Variants in LRP1B observed in about 807,000 individuals in gnomAD.
LRP1B encodes the protein low-density lipoprotein receptor-related protein 1B.
Under a neutral mutation model 556.6 loss-of-function variants are expected in LRP1B, and 217 were observed. That is an observed-to-expected ratio of 0.39 (90% CI 0.35 to 0.44). The LOEUF is 0.44. LRP1B is among the 20% of genes least tolerant of loss of function. LRP1B has a pLI of 1.00. For missense variants in LRP1B, 5,053 were observed against 5,620.8 expected, an observed-to-expected ratio of 0.90 and a Z score of 3.23; for synonymous variants, 2,047 against 1,865.8, an observed-to-expected ratio of 1.10 and a Z score of -2.50.
In LRP1B at chr2:140,867,720, G is replaced by A. The variant is rs1433705271; in HGVS notation, c.4449C>T (p.Tyr1483=). The A allele has an allele frequency of 1.9e-6, 3 of 1,613,286 alleles. No homozygotes were observed. The South Asian group carries it at 3.3e-5, about 18-fold the overall frequency. The change falls in exon 27 of 91, where the codon TAC becomes TAT. Residue 1483 remains tyrosine, a synonymous_variant. Transcript: ENST00000389484. ...FAVSLYGSEV[Y]WTDWRTNTLS... ...ATGTGTTGGTCCTCCAGTCTGTCCA[G>A]TAGACTTCACTCCCATATAGAGACA... is the stretch of plus-strand genomic sequence containing the variant.
chr2:140,472,023 T>C (rs372432032), intron 60 of LRP1B, among the ~76,000 whole-genome samples: 1 of 152,200 alleles, frequency 6.6e-6, no homozygotes, highest in Non-Finnish European at 1.5e-5. Context: ...TTTCCCACTT[T>C]AGCAGTCTTC....
intron 66 of LRP1B, among the ~76,000 whole-genome samples, chr2:140,428,587 C>A (rs996028650): frequency 6.6e-6 from 1 of 152,180 alleles, no homozygotes; most frequent in South Asian, 2.1e-4. Flanking sequence ...CTTCCCAGAT[C>A]TTCTCGGCTT....
chr2:141,189,690 T>C (rs1681415826), intron 6 of LRP1B, among the ~76,000 whole-genome samples: 1 of 152,020 alleles, frequency 6.6e-6, no homozygotes, highest in Admixed American at 6.6e-5. Context: ...AAGTAACCAC[T>C]AGCCAAATTT....
intron 7 of LRP1B, among the ~76,000 whole-genome samples, chr2:141,126,961 T>A (rs1358023819): frequency 6.6e-6 from 1 of 152,122 alleles, no homozygotes; most frequent in Non-Finnish European, 1.5e-5. Flanking sequence ...GCTGCACCCA[T>A]CAACCTGCCA....
chr2:141,318,890 A>G (rs1270406731), intron 3 of LRP1B, among the ~76,000 whole-genome samples: 1 of 152,140 alleles, frequency 6.6e-6, no homozygotes, highest in African/African-American at 2.4e-5. Context: ...TCACTCATTT[A>G]AAAACTAGAT....
intron 7 of LRP1B, among the ~76,000 whole-genome samples, chr2:141,102,455 A>G (rs1700486434): frequency 1.3e-5 from 2 of 152,054 alleles, no homozygotes; most frequent in Non-Finnish European, 2.9e-5. Context: ...TGCAGCGACA[A>G]ACATAACCGT....
chr2:140,393,625 T>C (rs1684122951), intron 66 of LRP1B, among the ~76,000 whole-genome samples: 1 of 152,116 alleles, frequency 6.6e-6, no homozygotes, highest in South Asian at 2.1e-4. Flanking sequence ...TTACAAATAG[T>C]TGGGTAACAG....
chr2:141,220,082 G>T (rs1343855899), intron 6 of LRP1B, among the ~76,000 whole-genome samples: 1 of 152,156 alleles, frequency 6.6e-6, no homozygotes. Flanking sequence ...GGGCCAAGAT[G>T]AATGACCTGA....
At chr2:140,335,375 A>G (rs747149231) in intron 78 of LRP1B, among the ~76,000 whole-genome samples, 9 of 152,002 alleles carry the variant, frequency 5.9e-5, no homozygotes, top group Non-Finnish European at 1.2e-4. Context: ...GCACAGACAC[A>G]CATACAGACA....
chr2:141,394,696 T>C (rs1690176862), intron 3 of LRP1B, among the ~76,000 whole-genome samples: 1 of 152,134 alleles, frequency 6.6e-6, no homozygotes, highest in African/African-American at 2.4e-5. Context: ...GTATATTCTT[T>C]TTTAGTTGAC....
chr2:141,690,242 A>G (rs73963528), intron 2 of LRP1B, among the ~76,000 whole-genome samples: 3,078 of 150,950 alleles, frequency 0.02, 101 homozygotes, highest in African/African-American at 0.07. Flanking sequence ...GAATTTTATT[A>G]TGCTTTACAA....
chr2:140,554,948 C>A (rs938293016), intron 43 of LRP1B, among the ~76,000 whole-genome samples: 4 of 150,540 alleles, frequency 2.7e-5, no homozygotes, highest in African/African-American at 2.4e-5. Context: ...AAAATAAAAT[C>A]TTTTCTTTGT....
At chr2:141,473,680 T>G (rs1682565331) in intron 3 of LRP1B, among the ~76,000 whole-genome samples, 1 of 152,164 alleles carries the variant, frequency 6.6e-6, no homozygotes, top group South Asian at 2.1e-4. Context: ...TAGGTCTTCC[T>G]GGGTAATTCC....
rs181904111 is a variant in LRP1B at position 140,465,962 on chromosome 2, C to A, written c.9626-8311G>T. 9.9e-4 allele frequency among the ~76,000 whole-genome samples: 151 copies of A among 151,818 alleles called. 1 individual carries two copies. The highest frequency in any genetic ancestry group is 1.6e-3 in the Non-Finnish European group (111 of 67,936). Reference sequence around the variant, plus strand: ...CATCAACACCATTGGTATAAAATACCCTGTGAACTCTACTGTTTGTAATGG... The same window carrying A: ...CATCAACACCATTGGTATAAAATACACTGTGAACTCTACTGTTTGTAATGG... On this transcript the variant is annotated intron_variant, in intron 60 of 90. Coordinates refer to ENST00000389484, the MANE Select transcript of LRP1B (RefSeq NM_018557.3).
At chr2:141,989,349 C>G (rs1339413768) in intron 1 of LRP1B, among the ~76,000 whole-genome samples, 2 of 151,320 alleles carry the variant, frequency 1.3e-5, no homozygotes, top group Non-Finnish European at 2.9e-5. Context: ...AGTCATAATT[C>G]AATATCAGAG....
intron 43 of LRP1B, among the ~76,000 whole-genome samples, chr2:140,589,288 A>G (rs1682120094): frequency 6.6e-6 from 1 of 152,210 alleles, no homozygotes; most frequent in South Asian, 2.1e-4. Flanking sequence ...TACAAACCAC[A>G]TAGCCAACAA....
intron 2 of LRP1B, among the ~76,000 whole-genome samples, chr2:141,726,926 A>G (rs1327705941): frequency 1.3e-5 from 2 of 152,124 alleles, no homozygotes; most frequent in East Asian, 3.9e-4. Flanking sequence ...TAAAACTAGC[A>G]TGTATTCTAA....
rs1175206836 is a variant in LRP1B at position 140,251,281 on chromosome 2, CAT to C, written c.13248-4121_13248-4120del. Among the ~76,000 whole-genome samples, 5 of 151,776 alleles carry C rather than the reference CAT, an allele frequency of 3.3e-5. No homozygotes were observed. The East Asian group carries it at 5.8e-4, about 18-fold the overall frequency. On this transcript the variant is annotated intron_variant, in intron 86 of 90. Coordinates refer to ENST00000389484, the MANE Select transcript of LRP1B (RefSeq NM_018557.3). ...TACATTTAGTAGCATAACTGTAAGACATATAAACCGTCTAAAATAATAACTCT... is the reference window on the plus strand; with the variant it reads ...TACATTTAGTAGCATAACTGTAAGACATAAACCGTCTAAAATAATAACTCT...
chr2:141,692,315 TTATCTA>T (rs899991947), intron 2 of LRP1B, among the ~76,000 whole-genome samples: 2 of 152,008 alleles, frequency 1.3e-5, no homozygotes, highest in Non-Finnish European at 2.9e-5. Flanking sequence ...CATCTCTTAC[TTATCTA>T]TAAGTTTTAC....
Sources: allele counts gnomAD v4.1 joint callset (sites outside exome capture counted in the v4.1 genomes callset), GRCh38; gene constraint gnomAD v4.1.1; transcripts MANE v1.5; gene names NCBI Gene and HGNC (gene_info 2026-07-23, HGNC 2026-07-21).